Variants in RBL1 observed in about 807,000 individuals in gnomAD.
RBL1 encodes the protein retinoblastoma-like protein 1.
RBL1 carries 82 observed loss-of-function variants against 123.0 expected under a neutral mutation model. That is an observed-to-expected ratio of 0.67 (90% CI 0.56 to 0.80). The LOEUF (loss-of-function observed/expected upper bound fraction) is 0.80. Ranked by LOEUF, RBL1 falls within the 30% of genes least tolerant of loss-of-function variation. The pLI, the probability that RBL1 is intolerant of heterozygous loss-of-function variation, is 0.00. For missense variants in RBL1, 1,171 were observed against 1,299.6 expected (o/e 0.90, Z 1.52); for synonymous variants, 405 against 441.3 (o/e 0.92, Z 1.03).
intron 3 of RBL1, 114 bp from the exon 4 acceptor site, chr20:37,067,411 G>A (rs2065196213): frequency 2.4e-6 from 2 of 831,516 alleles, no homozygotes; most frequent in Admixed American, 3.3e-5. Flanking sequence ...TTCCATTCAT[G>A]AAGAAAAGTA....
At chr20:37,076,371 G>C (rs2065363982) in intron 2 of RBL1, among the ~76,000 whole-genome samples, 1 of 152,202 alleles carries the variant, frequency 6.6e-6, no homozygotes. Flanking sequence ...TAAAAGTTAT[G>C]TGAATGTGGT....
At chr20:37,020,166 G>A (rs1246623588) in intron 18 of RBL1, among the ~76,000 whole-genome samples, 11 of 147,782 alleles carry the variant, frequency 7.4e-5, no homozygotes, top group South Asian at 2.1e-4. Context: ...TTGGCTCACC[G>A]CAACCTCTGC....
chr20:37,081,975 ACTT>A (rs564548849), intron 2 of RBL1: 280 of 456,092 alleles, frequency 6.1e-4, no homozygotes, highest in Non-Finnish European at 1.0e-3. Flanking sequence ...GCTTCAGGTC[ACTT>A]CATGGTTGCC....
At chr20:37,074,370 C>A (rs1250536824) in intron 2 of RBL1, among the ~76,000 whole-genome samples, 1 of 147,682 alleles carries the variant, frequency 6.8e-6, no homozygotes, top group Admixed American at 6.8e-5. Context: ...GCCATGATTG[C>A]GCCATTGCAC....
intron 16 of RBL1, 68 bp downstream of exon 16, chr20:37,032,597 G>A (rs2064530823): frequency 1.3e-6 from 2 of 1,576,266 alleles, no homozygotes; most frequent in Admixed American, 3.9e-5. Flanking sequence ...ACCAAAGTCT[G>A]TCTCTGTTAC....
chr20:37,091,341 GGAGT>G (rs1328891566), intron 1 of RBL1, among the ~76,000 whole-genome samples: 1 of 150,496 alleles, frequency 6.6e-6, no homozygotes, highest in South Asian at 2.1e-4. Context: ...CTGCGCAACG[GGAGT>G]GAGACTCCAT....
At chr20:37,069,483 C>A (rs948972572) in intron 2 of RBL1, among the ~76,000 whole-genome samples, 3 of 150,664 alleles carry the variant, frequency 2.0e-5, no homozygotes, top group Admixed American at 1.3e-4. Flanking sequence ...AGCGCCTCTG[C>A]CCCGCCACCC....
chr20:37,076,346 A>T (rs531879783), intron 2 of RBL1, among the ~76,000 whole-genome samples: 4 of 152,352 alleles, frequency 2.6e-5, no homozygotes, highest in Non-Finnish European at 4.4e-5. Flanking sequence ...GAACAATTAT[A>T]ACAATTTACT....
At chr20:37,003,016 G>A (rs1467726199) in intron 21 of RBL1, among the ~76,000 whole-genome samples, 1 of 152,178 alleles carries the variant, frequency 6.6e-6, no homozygotes, top group Non-Finnish European at 1.5e-5. Flanking sequence ...GAGTCACTGT[G>A]TCCAGTCAGG....
At chr20:37,055,323 AAAAAAAAACACTT>A (rs1332924354) in intron 11 of RBL1, among the ~76,000 whole-genome samples, 20 of 152,104 alleles carry the variant, frequency 1.3e-4, no homozygotes, top group African/African-American at 4.8e-4. Flanking sequence ...AAAAAAAAAA[AAAAAAAAACACTT>A]AAAAAACACT....
chr20:37,005,312 T>C (rs2064052831), intron 20 of RBL1, among the ~76,000 whole-genome samples: 1 of 151,002 alleles, frequency 6.6e-6, no homozygotes, highest in Non-Finnish European at 1.5e-5. Flanking sequence ...GAGGCTGAGT[T>C]ACAGAATTGC....
intron 9 of RBL1, among the ~76,000 whole-genome samples, chr20:37,058,932 T>A (rs2065054564): frequency 6.6e-6 from 1 of 152,102 alleles, no homozygotes; most frequent in African/African-American, 2.4e-5. Flanking sequence ...CAGGGTCTCA[T>A]CATGTTGCTC....
At chr20:37,091,296 T>G (rs1321651412) in intron 1 of RBL1, among the ~76,000 whole-genome samples, 1 of 151,294 alleles carries the variant, frequency 6.6e-6, no homozygotes, top group Non-Finnish European at 1.5e-5. Flanking sequence ...AGGTGGGGGT[T>G]GCAGTGAGCC....
At chr20:37,053,711 G>A (rs2064957984) in intron 11 of RBL1, among the ~76,000 whole-genome samples, 2 of 152,058 alleles carry the variant, frequency 1.3e-5, no homozygotes. Flanking sequence ...GGTAAAATTG[G>A]TTTCATTGTA....
chr20:37,091,665 CAA>C (rs11421608), intron 1 of RBL1, among the ~76,000 whole-genome samples: 31 of 105,874 alleles, frequency 2.9e-4, no homozygotes, highest in Admixed American at 3.2e-4. Flanking sequence ...GACTCTATCT[CAA>C]AAAAAAAAAA....
chr20:37,063,697 A>C (rs1272748637), intron 7 of RBL1, among the ~76,000 whole-genome samples: 1 of 151,856 alleles, frequency 6.6e-6, no homozygotes, highest in Non-Finnish European at 1.5e-5. Context: ...TTTTTAGTAG[A>C]GATGGGGTTT....
chr20:37,012,580 T>C (rs1177162955), intron 19 of RBL1, among the ~76,000 whole-genome samples: 1 of 135,240 alleles, frequency 7.4e-6, no homozygotes. Context: ...GTGAGGAGCG[T>C]CTCTGCCCAG....
intron 16 of RBL1, among the ~76,000 whole-genome samples, chr20:37,029,489 T>A (rs1482324825): frequency 6.6e-6 from 1 of 152,218 alleles, no homozygotes; most frequent in Non-Finnish European, 1.5e-5. Context: ...GTTAACATCA[T>A]ACTCAAATTG....
intron 19 of RBL1, among the ~76,000 whole-genome samples, chr20:37,009,404 C>A (rs1243168799): frequency 6.6e-6 from 1 of 151,612 alleles, no homozygotes; most frequent in Admixed American, 6.6e-5. Flanking sequence ...CTAGGTTATT[C>A]TCATTATATG....
Sources: allele counts gnomAD v4.1 joint callset (sites outside exome capture counted in the v4.1 genomes callset), GRCh38; gene constraint gnomAD v4.1.1; transcripts MANE v1.5; gene names NCBI Gene and HGNC (gene_info 2026-07-23, HGNC 2026-07-21).